The following C16orf87 variants were observed in gnomAD, a reference collection of about 807,000 sequenced individuals.
C16orf87 encodes HDAC and MIER1 interacting protein 1.
C16orf87 carries 13 observed loss-of-function variants against 21.0 expected under a neutral mutation model. The observed-to-expected ratio is 0.62, with a 90% CI of 0.40 to 0.98. The LOEUF (loss-of-function observed/expected upper bound fraction) is 0.98. Ranked by LOEUF, C16orf87 falls within the 50% of genes least tolerant of loss-of-function variation. The probability of loss-of-function intolerance (pLI) is 0.00; values close to 1 mark genes in which losing one functional copy is unlikely to be tolerated. For synonymous variants in C16orf87, 49 were observed against 60.2 expected (o/e 0.81, Z 0.86); for missense variants, 113 against 180.4 (o/e 0.63, Z 2.14).
rs1443658556 is a variant in C16orf87 at position 46,797,134 on chromosome 16, A to T, written c.*5818T>A. 6.6e-6 allele frequency: 1 copy of T among 152,220 alleles called. No homozygotes were observed. The highest frequency in any genetic ancestry group is 1.5e-5 in the Non-Finnish European group (1 of 68,036). The allele number at this position is 152,220 out of a possible 1,614,324, so 9.4% of individuals were successfully genotyped here. ...AAAGACATTCTCAGATGAAGAAAAA[A>T]TAAGAGAATTAAATGTCAACAGACC... On this transcript the variant is annotated 3_prime_UTR_variant, in exon 4 of 4. Coordinates refer to ENST00000285697, the MANE Select transcript of C16orf87 (RefSeq NM_001001436.4).
Position 46,831,171 on chromosome 16 carries a change from C to A in C16orf87, c.-22G>T. On this transcript the variant is annotated 5_prime_UTR_variant, in exon 1 of 4. Coordinates refer to ENST00000285697, the MANE Select transcript of C16orf87 (RefSeq NM_001001436.4). Reference sequence around the variant, plus strand: ...ACATGCTCCTCTCCCTTAGCGGCGGCAGCAGCGACGGCTCGGGCTCCTCCC... The same window carrying A: ...ACATGCTCCTCTCCCTTAGCGGCGGAAGCAGCGACGGCTCGGGCTCCTCCC... The A allele has an allele frequency of 6.5e-7, 1 of 1,549,244 alleles. No homozygotes were observed. The highest frequency in any genetic ancestry group is 8.8e-7 in the Non-Finnish European group (1 of 1,142,544).
rs193059679 is a variant in C16orf87 at position 46,805,737 on chromosome 16, G to C, written c.347-2667C>G. On this transcript the variant is annotated intron_variant, in intron 3 of 3. Coordinates refer to ENST00000285697, the MANE Select transcript of C16orf87 (RefSeq NM_001001436.4). ...ACGTGGAGCTTGACTGTAGTCATCA[G>C]ATTAGGATGATCCAATTAGGCCACT... Among the ~76,000 whole-genome samples the C allele has an allele frequency of 2.0e-4, 31 of 152,366 alleles. No homozygotes were observed. In the East Asian group the frequency reaches 5.8e-3, roughly 28 times the overall value.
At chr16:46,808,201 A>G in intron 3 of C16orf87, 1 of 424,428 alleles carries the variant, frequency 2.4e-6, no homozygotes, top group African/African-American at 2.1e-5. Context: ...TAATAGAAAG[A>G]GAAAAGCAGT....
intron 2 of C16orf87, among the ~76,000 whole-genome samples, chr16:46,810,596 A>G (rs1007093993): frequency 6.6e-6 from 1 of 152,204 alleles, no homozygotes. Context: ...ACAAACAGAA[A>G]AATTCATATC....
chr16:46,809,548 T>G (rs1968022524), intron 3 of C16orf87, 55 bp downstream of exon 3: 1 of 1,247,212 alleles, frequency 8.0e-7, no homozygotes, highest in Non-Finnish European at 1.1e-6. Flanking sequence ...ACTACCTAAT[T>G]AAGATCCCAG....
At position 46,809,743 on chromosome 16, in the gene C16orf87, C is replaced by T. The variant is rs1287028131; in HGVS notation, c.206G>A (p.Arg69Lys). The T allele has an allele frequency of 1.9e-6, 3 of 1,609,932 alleles. No homozygotes were observed. Among genetic ancestry groups the T allele is most frequent in the Non-Finnish European group, 2.5e-6 (3 of 1,176,798 alleles). ...TACTGTAGAATTTATCTTCTCTCTCCTAACTCTCTCTGTTCGCCTCCTCTT... is the reference window on the plus strand; with the variant it reads ...TACTGTAGAATTTATCTTCTCTCTCTTAACTCTCTCTGTTCGCCTCCTCTT... ...EAKRRRTERV[R>K]REKINSTVNK... Residue 69 changes from arginine to lysine, a missense_variant, in exon 3 of 4, where the codon AGG becomes AAG. Arg to Lys is a conservative substitution (Grantham distance 26). Transcript: ENST00000285697.
In C16orf87 at chr16:46,799,368, T is replaced by C. The variant is rs563906223; in HGVS notation, c.*3584A>G. ...CTTCCAAATGTAAAAATGAAGCTTG[T>C]CATGTAGTAAAAGAAAAAACCCAGC... On this transcript the variant is annotated 3_prime_UTR_variant, in exon 4 of 4. Coordinates refer to ENST00000285697, the MANE Select transcript of C16orf87 (RefSeq NM_001001436.4). The C allele has an allele frequency of 1.1e-3, 172 of 152,216 alleles. 1 individual carries two copies. The highest frequency in any genetic ancestry group is 4.0e-3 in the African/African-American group (166 of 41,556). 9.4% of individuals were successfully genotyped at this position (152,216 alleles called of 1,614,324 possible).
intron 3 of C16orf87, 92 bp downstream of exon 3, chr16:46,809,511 G>T: frequency 1.4e-6 from 1 of 732,486 alleles, no homozygotes; most frequent in Non-Finnish European, 2.2e-6. Context: ...TTAAGTCCAG[G>T]AGCTCAATGC....
rs1967707187 is a variant in C16orf87, at chr16:46,799,293, C to A, written c.*3659G>T. 6.6e-6 allele frequency: 1 copy of A among 151,846 alleles called. No homozygotes were observed. The highest frequency in any genetic ancestry group is 1.5e-5 in the Non-Finnish European group (1 of 67,954). The allele number at this position is 151,846 out of a possible 1,614,324, so 9.4% of individuals were successfully genotyped here. ...AAAGAATAATTTAAAAAAATAGTTC[C>A]CTAGAAAATAGATCCTGAGAATAAA... On this transcript the variant is annotated 3_prime_UTR_variant, in exon 4 of 4. Transcript: ENST00000285697.
At chr16:46,808,900 A>G (rs912390751) in intron 3 of C16orf87, among the ~76,000 whole-genome samples, 1 of 152,090 alleles carries the variant, frequency 6.6e-6, no homozygotes, top group Non-Finnish European at 1.5e-5. Context: ...GGAAGCACAC[A>G]AATCTCCCAA....
chr16:46,817,234 A>G (rs1241748564), intron 2 of C16orf87, among the ~76,000 whole-genome samples: 1 of 152,254 alleles, frequency 6.6e-6, no homozygotes, highest in Non-Finnish European at 1.5e-5. Context: ...GAACAAAATT[A>G]AAGTGTGAAT....
Position 46,799,455 on chromosome 16 carries a change from G to A in C16orf87, c.*3497C>T, listed in dbSNP as rs1457803855. 1 of 152,090 alleles carries A rather than the reference G, an allele frequency of 6.6e-6. No individual in the cohort carries two copies. Among genetic ancestry groups the A allele is most frequent in the African/African-American group, 2.4e-5 (1 of 41,398 alleles). 9.4% of individuals were successfully genotyped at this position (152,090 alleles called of 1,614,324 possible). ...TTTGTTAACAACAATATGCCTTAAAGGCTAGAAAGACAGAAAATACTAGGG... is the reference window on the plus strand; with the variant it reads ...TTTGTTAACAACAATATGCCTTAAAAGCTAGAAAGACAGAAAATACTAGGG... On this transcript the variant is annotated 3_prime_UTR_variant, in exon 4 of 4. Transcript: ENST00000285697.
chr16:46,810,506 T>C (rs565293058), intron 2 of C16orf87, among the ~76,000 whole-genome samples: 18 of 152,126 alleles, frequency 1.2e-4, no homozygotes, highest in African/African-American at 4.3e-4. Flanking sequence ...AGATGATACC[T>C]TGCTTTAACA....
chr16:46,821,959 C>T (rs1433514445), intron 2 of C16orf87, among the ~76,000 whole-genome samples: 1 of 152,202 alleles, frequency 6.6e-6, no homozygotes, highest in African/African-American at 2.4e-5. Context: ...ACTAGCAATC[C>T]AAGTCAGAGA....
chr16:46,805,103 T>C (rs1297696763), intron 3 of C16orf87, among the ~76,000 whole-genome samples: 3 of 152,214 alleles, frequency 2.0e-5, no homozygotes, highest in Admixed American at 1.3e-4. Flanking sequence ...GACTGGGAAT[T>C]TGTAGGCCCT....
At chr16:46,803,178 C>T in intron 3 of C16orf87, 108 bp from the exon 4 acceptor site, 1 of 508,022 alleles carries the variant, frequency 2.0e-6, no homozygotes. Flanking sequence ...ATATATAATA[C>T]TACAATATAC....
intron 2 of C16orf87, among the ~76,000 whole-genome samples, chr16:46,815,072 C>T (rs1274324767): frequency 6.6e-6 from 1 of 152,102 alleles, no homozygotes; most frequent in East Asian, 1.9e-4. Context: ...TAAACACACA[C>T]ATACAGTCAA....
intron 2 of C16orf87, among the ~76,000 whole-genome samples, chr16:46,811,220 C>T (rs1034952229): frequency 6.6e-6 from 1 of 151,986 alleles, no homozygotes; most frequent in Non-Finnish European, 1.5e-5. Flanking sequence ...AAGAGAGAAG[C>T]AGGCCAGGCG....
chr16:46,814,713 A>G lies in C16orf87; in HGVS notation c.164-4928T>C, dbSNP rs1325863606. Among the ~76,000 whole-genome samples the G allele has an allele frequency of 2.6e-5, 4 of 152,350 alleles. 1 individual carries two copies. Among genetic ancestry groups the G allele is most frequent in the Admixed American group, 2.6e-4 (4 of 15,304 alleles). On this transcript the variant is annotated intron_variant, in intron 2 of 3. Coordinates refer to ENST00000285697, the MANE Select transcript of C16orf87 (RefSeq NM_001001436.4). ...CAATTAAACATTACTAGCTATAAGA[A>G]GAAAATAATAGTCAAGAGAAGAGCC... is the stretch of plus-strand genomic sequence containing the variant.
Sources: gnomAD v4.1 joint callset for allele counts (sites outside exome capture counted in the v4.1 genomes callset) on GRCh38, gnomAD v4.1.1 for gene constraint, MANE v1.5 for transcripts, NCBI Gene and HGNC (gene_info 2026-07-23, HGNC 2026-07-21) for gene names.